The following DLG2 variants were observed in gnomAD, a reference collection of about 807,000 sequenced individuals.
DLG2 encodes the protein disks large homolog 2.
A neutral mutation model predicts 132.5 loss-of-function variants in DLG2; 45 were observed. The observed-to-expected ratio is 0.34, with a 90% CI of 0.27 to 0.44. DLG2 has a LOEUF of 0.44. Among genes scored for constraint, DLG2 ranks in the 20% least tolerant of loss-of-function variants. The probability of loss-of-function intolerance (pLI) is 1.00; values close to 1 mark genes in which losing one functional copy is unlikely to be tolerated. For missense variants in DLG2, 1,045 were observed against 1,196.9 expected (o/e 0.87, Z 1.87); for synonymous variants, 424 against 419.6 (o/e 1.01, Z -0.13).
At chr11:85,437,023 C>A (rs1254083080) in intron 3 of DLG2, among the ~76,000 whole-genome samples, 2 of 152,100 alleles carry the variant, frequency 1.3e-5, no homozygotes, top group African/African-American at 4.8e-5. Context: ...AGCTGGAAGA[C>A]ATCATTCTCA....
chr11:85,235,989 C>T (rs919861464), intron 4 of DLG2, among the ~76,000 whole-genome samples: 5 of 151,552 alleles, frequency 3.3e-5, no homozygotes, highest in African/African-American at 1.2e-4. Context: ...GCGCATATAT[C>T]GATTACTTGT....
chr11:85,225,833 C>T (rs1274662624), intron 4 of DLG2, among the ~76,000 whole-genome samples: 1 of 152,118 alleles, frequency 6.6e-6, no homozygotes, highest in Non-Finnish European at 1.5e-5. Context: ...CACAACCACT[C>T]TTCTTAGCTC....
intron 18 of DLG2, among the ~76,000 whole-genome samples, chr11:83,719,844 A>G (rs1469232634): frequency 6.6e-6 from 1 of 152,150 alleles, no homozygotes; most frequent in East Asian, 1.9e-4. Context: ...TTAATCATCA[A>G]TGACAGTCAA....
chr11:83,991,357 C>T (rs933664297), intron 11 of DLG2, among the ~76,000 whole-genome samples: 14 of 152,268 alleles, frequency 9.2e-5, no homozygotes, highest in Non-Finnish European at 1.8e-4. Flanking sequence ...TATTACATAT[C>T]TTGTAATACC....
chr11:83,570,089 C>T (rs915375187), intron 19 of DLG2, among the ~76,000 whole-genome samples: 1 of 152,206 alleles, frequency 6.6e-6, no homozygotes, highest in Non-Finnish European at 1.5e-5. Context: ...GTATCTACTT[C>T]ATATCCAGTT....
chr11:83,524,263 A>G (rs1423489411), intron 21 of DLG2, among the ~76,000 whole-genome samples: 3 of 152,100 alleles, frequency 2.0e-5, no homozygotes, highest in East Asian at 1.9e-4. Flanking sequence ...GTGTATCTCA[A>G]ATTAGTAGCA....
At position 84,338,563 on chromosome 11, in the gene DLG2, G is replaced by GC. The variant is rs569392120; in HGVS notation, c.520-87273dup. 2.3e-4 allele frequency among the ~76,000 whole-genome samples: 35 copies of GC among 152,250 alleles called. No individual in the cohort carries two copies. In the East Asian group the frequency reaches 6.8e-3, roughly 29 times the overall value. On this transcript the variant is annotated intron_variant, in intron 7 of 27. Coordinates refer to ENST00000376104, the MANE Select transcript of DLG2 (RefSeq NM_001142699.3). The stretch of plus-strand genomic sequence containing the variant: ...TATTAGTCCGGGCACGGTGGCTCAA[G>GC]CCTGTAATCCCAGCACTTTGGGAGG...
At chr11:85,570,735 T>C (rs1447063788) in intron 3 of DLG2, among the ~76,000 whole-genome samples, 2 of 152,186 alleles carry the variant, frequency 1.3e-5, no homozygotes, top group Non-Finnish European at 2.9e-5. Context: ...AATTTCATTA[T>C]GTGTATGTTG....
At chr11:83,763,510 T>C (rs913269766) in intron 18 of DLG2, among the ~76,000 whole-genome samples, 1 of 152,216 alleles carries the variant, frequency 6.6e-6, no homozygotes, top group Admixed American at 6.5e-5. Flanking sequence ...GAACTTATCA[T>C]AAATGCATAG....
rs2093409597 is a variant in DLG2 at position 83,987,479 on chromosome 11, G to A, written c.920-6837C>T. Among the ~76,000 whole-genome samples the A allele has an allele frequency of 2.0e-5, 3 of 152,102 alleles. No homozygotes were observed. The South Asian group carries it at 6.2e-4, about 32-fold the overall frequency. On this transcript the variant is annotated intron_variant, in intron 11 of 27. Coordinates refer to ENST00000376104, the MANE Select transcript of DLG2 (RefSeq NM_001142699.3). ...AGGCTACAGTAACCAAAACAGCATGGTACTGGTACCAAAACAGAGATATAG... is the reference window on the plus strand; with the variant it reads ...AGGCTACAGTAACCAAAACAGCATGATACTGGTACCAAAACAGAGATATAG...
At chr11:83,601,234 C>T (rs1363081619) in intron 19 of DLG2, among the ~76,000 whole-genome samples, 2 of 152,202 alleles carry the variant, frequency 1.3e-5, no homozygotes, top group African/African-American at 4.8e-5. Context: ...ACTGAGATTA[C>T]TTTGCCAAGG....
At chr11:83,909,274 T>A (rs190273818) in intron 15 of DLG2, among the ~76,000 whole-genome samples, 1 of 152,230 alleles carries the variant, frequency 6.6e-6, no homozygotes, top group Non-Finnish European at 1.5e-5. Context: ...TTTTCCCATC[T>A]GTACATTATA....
intron 6 of DLG2, among the ~76,000 whole-genome samples, chr11:84,976,473 T>C (rs565743205): frequency 1.3e-5 from 2 of 152,222 alleles, no homozygotes; most frequent in South Asian, 4.1e-4. Flanking sequence ...TGGCCTTTTA[T>C]AGTATATGTG....
chr11:84,515,892 CCAA>C (rs2099271265), intron 7 of DLG2, among the ~76,000 whole-genome samples: 1 of 151,604 alleles, frequency 6.6e-6, no homozygotes, highest in Non-Finnish European at 1.5e-5. Context: ...AGTGTCTTTT[CCAA>C]CAACAATGGA....
At chr11:83,667,507 A>T (rs2153564025) in intron 18 of DLG2, among the ~76,000 whole-genome samples, 1 of 152,348 alleles carries the variant, frequency 6.6e-6, no homozygotes, top group Admixed American at 6.5e-5. Flanking sequence ...TGAGCTTCAC[A>T]AATACTCATT....
chr11:84,181,526 A>G (rs1233391842), intron 8 of DLG2, among the ~76,000 whole-genome samples: 1 of 152,146 alleles, frequency 6.6e-6, no homozygotes, highest in African/African-American at 2.4e-5. Context: ...AAATACATCA[A>G]TAATCACTTT....
chr11:83,701,474 AC>A (rs1475403124), intron 18 of DLG2, among the ~76,000 whole-genome samples: 1 of 152,156 alleles, frequency 6.6e-6, no homozygotes, highest in Non-Finnish European at 1.5e-5. Context: ...TTTAGGGGCC[AC>A]TTCAGGTCAA....
chr11:83,934,644 C>G (rs2081062738), intron 14 of DLG2, among the ~76,000 whole-genome samples: 1 of 152,184 alleles, frequency 6.6e-6, no homozygotes, highest in African/African-American at 2.4e-5. Flanking sequence ...GAGTGACTTA[C>G]ACTTTATTGA....
intron 6 of DLG2, among the ~76,000 whole-genome samples, chr11:84,638,137 T>C (rs2099643883): frequency 1.3e-5 from 2 of 152,212 alleles, no homozygotes; most frequent in Admixed American, 1.3e-4. Context: ...TTCATTGTCT[T>C]GAAATCTTGC....
Sources: gnomAD v4.1 joint callset for allele counts (sites outside exome capture counted in the v4.1 genomes callset) on GRCh38, gnomAD v4.1.1 for gene constraint, MANE v1.5 for transcripts, NCBI Gene and HGNC (gene_info 2026-07-23, HGNC 2026-07-21) for gene names.